LARGE1: variants seen among roughly 807,000 people sequenced by gnomAD.
LARGE1 encodes the protein xylosyl- and glucuronyltransferase LARGE1.
In LARGE1, 43 loss-of-function variants were observed where a neutral mutation model predicts 87.6. The ratio of observed to expected loss-of-function variants is 0.49; its 90% CI spans 0.38 to 0.63. The LOEUF is 0.63. LARGE1 is among the 30% of genes least tolerant of loss of function. The pLI, the probability that LARGE1 is intolerant of heterozygous loss-of-function variation, is 0.00. For missense variants in LARGE1, 802 were observed against 1,000.2 expected (o/e 0.80, Z 2.67); for synonymous variants, 434 against 394.6 (o/e 1.10, Z -1.18).
At chr22:33,559,187 CA>C (rs1389884110) in intron 6 of LARGE1, among the ~76,000 whole-genome samples, 5 of 152,092 alleles carry the variant, frequency 3.3e-5, no homozygotes, top group African/African-American at 9.7e-5. Context: ...ATTGATGGTA[CA>C]CCTTTTTTTT....
intron 10 of LARGE1, among the ~76,000 whole-genome samples, chr22:33,333,394 A>C (rs1938001825): frequency 6.6e-6 from 1 of 151,986 alleles, no homozygotes; most frequent in Admixed American, 6.6e-5. Context: ...TTTTTCTCTA[A>C]TATAAATCTG....
chr22:33,524,395 A>C (rs771520238), intron 6 of LARGE1, among the ~76,000 whole-genome samples: 2 of 151,846 alleles, frequency 1.3e-5, no homozygotes, highest in Non-Finnish European at 2.9e-5. Context: ...TTTCTAATCT[A>C]TTTTCTAATT....
chr22:33,850,021 G>C (rs1033527872), intron 1 of LARGE1, among the ~76,000 whole-genome samples: 9 of 152,290 alleles, frequency 5.9e-5, no homozygotes, highest in African/African-American at 1.4e-4. Context: ...TGGCTGGTAG[G>C]GGGTGGGGGT....
At chr22:33,451,744 A>T (rs901936147) in intron 6 of LARGE1, among the ~76,000 whole-genome samples, 3 of 152,028 alleles carry the variant, frequency 2.0e-5, no homozygotes, top group Non-Finnish European at 2.9e-5. Flanking sequence ...TTTTTAGTAG[A>T]GACGGGGTTT....
At chr22:33,810,258 T>C (rs1218581925) in intron 1 of LARGE1, among the ~76,000 whole-genome samples, 5 of 152,228 alleles carry the variant, frequency 3.3e-5, no homozygotes, top group African/African-American at 7.2e-5. Flanking sequence ...CAAGATCATA[T>C]AGCTAGCAAG....
intron 5 of LARGE1, among the ~76,000 whole-genome samples, chr22:33,571,686 T>C (rs1327512978): frequency 6.6e-6 from 1 of 152,152 alleles, no homozygotes; most frequent in South Asian, 2.1e-4. Context: ...GACCTTTATA[T>C]GGGCTGACCT....
chr22:33,573,968 C>T (rs1056541814), intron 5 of LARGE1, among the ~76,000 whole-genome samples: 1 of 152,060 alleles, frequency 6.6e-6, no homozygotes, highest in African/African-American at 2.4e-5. Flanking sequence ...CCAAAGACAG[C>T]AAGGTGGAGG....
intron 1 of LARGE1, among the ~76,000 whole-genome samples, chr22:33,763,374 C>T (rs181350510): frequency 7.2e-5 from 11 of 152,260 alleles, no homozygotes; most frequent in East Asian, 1.9e-4. Flanking sequence ...TGAAAGACCA[C>T]GGGGCTAGAG....
chr22:33,691,447 CACCAGT>C (rs1359737209), intron 2 of LARGE1, among the ~76,000 whole-genome samples: 1 of 152,126 alleles, frequency 6.6e-6, no homozygotes, highest in Non-Finnish European at 1.5e-5. Flanking sequence ...GGATCAGATG[CACCAGT>C]ACCAGTGGGC....
At chr22:33,695,496 A>G (rs1401600798) in intron 2 of LARGE1, among the ~76,000 whole-genome samples, 1 of 152,186 alleles carries the variant, frequency 6.6e-6, no homozygotes, top group Non-Finnish European at 1.5e-5. Context: ...AAAATTCCAA[A>G]TACACAGTAA....
intron 11 of LARGE1, among the ~76,000 whole-genome samples, chr22:33,186,467 G>A (rs1923481086): frequency 6.6e-6 from 1 of 152,020 alleles, no homozygotes; most frequent in African/African-American, 2.4e-5. Context: ...GTACCTCCCA[G>A]CGAAATAGGA....
chr22:33,502,079 C>A (rs1223678308), intron 6 of LARGE1, among the ~76,000 whole-genome samples: 1 of 151,998 alleles, frequency 6.6e-6, no homozygotes, highest in South Asian at 2.1e-4. Flanking sequence ...GCCTGTAGTT[C>A]CAGCTACTCA....
the LARGE1 span, among the ~76,000 whole-genome samples, chr22:33,080,190 A>T: frequency 7.3e-3 from 1,115 of 152,308 alleles, 8 homozygotes; most frequent in East Asian, 0.022. Flanking sequence ...TATTGCAAGC[A>T]CTTATGTAGT....
intron 6 of LARGE1, among the ~76,000 whole-genome samples, chr22:33,449,781 C>T (rs7284205): frequency 3.3e-5 from 5 of 152,096 alleles, no homozygotes; most frequent in African/African-American, 1.2e-4. Context: ...AGCCCACTTT[C>T]AAAAGAAAGT....
intron 2 of LARGE1, among the ~76,000 whole-genome samples, chr22:33,753,972 G>C (rs992289644): frequency 5.3e-5 from 8 of 152,078 alleles, no homozygotes; most frequent in African/African-American, 9.7e-5. Flanking sequence ...TGAGACAGGA[G>C]AATTGCTTGA....
At chr22:33,623,739 G>C (rs1252011690) in intron 4 of LARGE1, among the ~76,000 whole-genome samples, 2 of 149,542 alleles carry the variant, frequency 1.3e-5, no homozygotes, top group East Asian at 3.9e-4. Flanking sequence ...AAAGTCTAAA[G>C]AGTTAAAATG....
At chr22:33,777,136 G>T (rs1036972315) in intron 1 of LARGE1, among the ~76,000 whole-genome samples, 5 of 152,124 alleles carry the variant, frequency 3.3e-5, no homozygotes, top group Non-Finnish European at 7.4e-5. Context: ...GTCATTCCTG[G>T]CAGAAAGAAC....
At chr22:33,195,850 G>A (rs972672653) in intron 11 of LARGE1, among the ~76,000 whole-genome samples, 4 of 151,038 alleles carry the variant, frequency 2.6e-5, no homozygotes, top group Admixed American at 6.6e-5. Context: ...TGCCTCCCGG[G>A]TTCACGCTAT....
At chr22:33,346,351 G>A (rs1221688574) in intron 9 of LARGE1, among the ~76,000 whole-genome samples, 1 of 150,666 alleles carries the variant, frequency 6.6e-6, no homozygotes, top group Non-Finnish European at 1.5e-5. Flanking sequence ...CACCCAGGCT[G>A]GAGTGCAATG....
Sources: gnomAD v4.1 joint callset for allele counts (sites outside exome capture counted in the v4.1 genomes callset) on GRCh38, gnomAD v4.1.1 for gene constraint, MANE v1.5 for transcripts, NCBI Gene and HGNC (gene_info 2026-07-23, HGNC 2026-07-21) for gene names.